The following EBF1 variants were observed in gnomAD, a reference collection of about 807,000 sequenced individuals.
EBF1 encodes EBF transcription factor 1.
A neutral mutation model predicts 68.4 loss-of-function variants in EBF1; 10 were observed. The observed-to-expected ratio is 0.15, with a 90% CI of 0.09 to 0.25. The LOEUF (loss-of-function observed/expected upper bound fraction) is 0.25. Ranked by LOEUF, EBF1 falls within the 10% of genes least tolerant of loss-of-function variation. The pLI is 1.00. For synonymous variants in EBF1, 298 were observed against 299.8 expected, an observed-to-expected ratio of 0.99 and a Z score of 0.06; for missense variants, 509 against 794.4, an observed-to-expected ratio of 0.64 and a Z score of 4.32.
chr5:158,840,673 GTTTTTTTTT>G (rs1554157163), intron 6 of EBF1, among the ~76,000 whole-genome samples: 1 of 68,912 alleles, frequency 1.5e-5, no homozygotes, highest in Non-Finnish European at 2.7e-5. Flanking sequence ...TTTTTTTTTT[GTTTTTTTTT>G]TTTTTTTGAG....
intron 6 of EBF1, among the ~76,000 whole-genome samples, chr5:158,960,884 A>T (rs4244425): frequency 6.6e-6 from 1 of 152,048 alleles, no homozygotes; most frequent in South Asian, 2.1e-4. Context: ...CTGTGAACGA[A>T]CTACCTTGGA....
chr5:158,838,834 T>C (rs1482747671), intron 7 of EBF1, among the ~76,000 whole-genome samples: 3 of 152,232 alleles, frequency 2.0e-5, no homozygotes, highest in Admixed American at 6.5e-5. Flanking sequence ...CATATGAGCA[T>C]ACATAAATGG....
At chr5:158,883,261 T>G (rs985690264) in intron 6 of EBF1, among the ~76,000 whole-genome samples, 11 of 152,062 alleles carry the variant, frequency 7.2e-5, no homozygotes, top group Non-Finnish European at 1.6e-4. Flanking sequence ...TGAATGTCCC[T>G]TTTTCTGGCG....
At chr5:158,856,173 G>A (rs1201271948) in intron 6 of EBF1, among the ~76,000 whole-genome samples, 1 of 152,058 alleles carries the variant, frequency 6.6e-6, no homozygotes, top group Non-Finnish European at 1.5e-5. Flanking sequence ...GTCAGAGAGG[G>A]GCCTCTGAGA....
chr5:158,990,533 A>G (rs1760106297), intron 6 of EBF1, among the ~76,000 whole-genome samples: 1 of 152,230 alleles, frequency 6.6e-6, no homozygotes. Context: ...GATGTCAGTC[A>G]TACAATCCCA....
At chr5:158,901,809 G>A (rs1463335495) in intron 6 of EBF1, among the ~76,000 whole-genome samples, 3 of 152,162 alleles carry the variant, frequency 2.0e-5, no homozygotes, top group African/African-American at 2.4e-5. Flanking sequence ...CCAAGTTTTC[G>A]GCCTGGTGTG....
chr5:159,067,962 AAATCAGGTGGTAT>A (rs1777132038), intron 6 of EBF1, among the ~76,000 whole-genome samples: 2 of 152,178 alleles, frequency 1.3e-5, no homozygotes, highest in African/African-American at 4.8e-5. Flanking sequence ...TCAAGGTTAC[AAATCAGGTGGTAT>A]AAAAGGTTTA....
intron 6 of EBF1, among the ~76,000 whole-genome samples, chr5:158,968,105 AATTAGTTCTAG>A (rs1400179919): frequency 7.2e-5 from 11 of 152,214 alleles, no homozygotes; most frequent in Admixed American, 2.6e-4. Context: ...AAAAATTATA[AATTAGTTCTAG>A]ATGTCTAAGT....
chr5:158,803,485 C>T (rs1781003454), intron 8 of EBF1, among the ~76,000 whole-genome samples: 1 of 151,786 alleles, frequency 6.6e-6, no homozygotes, highest in African/African-American at 2.4e-5. Context: ...GGTTTTCTTC[C>T]AGCTGGAAGA....
At chr5:159,063,135 T>C (rs936724365) in intron 6 of EBF1, among the ~76,000 whole-genome samples, 1 of 152,312 alleles carries the variant, frequency 6.6e-6, no homozygotes. Context: ...CCTAAGCATC[T>C]AGTACACAGG....
At chr5:158,777,234 G>A (rs1775477849) in intron 10 of EBF1, among the ~76,000 whole-genome samples, 179 bp downstream of exon 10, 1 of 152,096 alleles carries the variant, frequency 6.6e-6, no homozygotes, top group Non-Finnish European at 1.5e-5. Context: ...ACACCTAGAA[G>A]AATTCTTAAT....
At chr5:159,077,178 T>C (rs961845800) in intron 5 of EBF1, among the ~76,000 whole-genome samples, 1 of 152,256 alleles carries the variant, frequency 6.6e-6, no homozygotes, top group African/African-American at 2.4e-5. Context: ...ATTACACCTA[T>C]AATCCCAGCA....
intron 9 of EBF1, among the ~76,000 whole-genome samples, chr5:158,786,567 A>G (rs558805937): frequency 3.9e-5 from 6 of 152,186 alleles, no homozygotes; most frequent in South Asian, 2.1e-4. Context: ...CCAGAAGGAG[A>G]GCATCAGACA....
At chr5:159,087,868 G>T (rs1156246935) in intron 4 of EBF1, among the ~76,000 whole-genome samples, 1 of 152,142 alleles carries the variant, frequency 6.6e-6, no homozygotes, top group Non-Finnish European at 1.5e-5. Context: ...GTTTGGATTT[G>T]CTCAGAAATA....
intron 6 of EBF1, among the ~76,000 whole-genome samples, chr5:158,841,689 G>A (rs1582447686): frequency 6.6e-6 from 1 of 152,152 alleles, no homozygotes; most frequent in East Asian, 1.9e-4. Flanking sequence ...CAACAGCACT[G>A]CACGAAGACA....
At chr5:158,882,325 C>T (rs987568422) in intron 6 of EBF1, among the ~76,000 whole-genome samples, 6 of 152,270 alleles carry the variant, frequency 3.9e-5, no homozygotes, top group Admixed American at 1.3e-4. Context: ...AGCAGCAAGT[C>T]GGTACTGGAT....
At chr5:159,002,395 C>A (rs983069792) in intron 6 of EBF1, among the ~76,000 whole-genome samples, 3 of 152,188 alleles carry the variant, frequency 2.0e-5, no homozygotes, top group African/African-American at 7.2e-5. Context: ...AGGCAATATG[C>A]CGTTAGCCTG....
At chr5:159,063,848 G>T (rs765283538) in intron 6 of EBF1, among the ~76,000 whole-genome samples, 2 of 152,170 alleles carry the variant, frequency 1.3e-5, no homozygotes, top group Non-Finnish European at 2.9e-5. Context: ...CAAGCCCAGT[G>T]CTAGGTGTTT....
intron 6 of EBF1, among the ~76,000 whole-genome samples, chr5:158,896,504 T>C (rs1176839663): frequency 1.3e-5 from 2 of 152,208 alleles, no homozygotes; most frequent in African/African-American, 4.8e-5. Context: ...AATCTTGTTT[T>C]AGGGGAATAT....
Sources: allele counts gnomAD v4.1 joint callset (sites outside exome capture counted in the v4.1 genomes callset), GRCh38; gene constraint gnomAD v4.1.1; transcripts MANE v1.5; gene names NCBI Gene and HGNC (gene_info 2026-07-23, HGNC 2026-07-21).